Variants in AFF3 observed in about 807,000 individuals in gnomAD.
AFF3 encodes the protein ALF transcription elongation factor 3, also known as AF4/FMR2 family member 3.
A neutral mutation model predicts 129.7 loss-of-function variants in AFF3; 32 were observed. The observed-to-expected ratio is 0.25, with a 90% CI of 0.19 to 0.33. The LOEUF is 0.33. Among genes scored for constraint, AFF3 ranks in the 10% least tolerant of loss-of-function variants. AFF3 has a pLI of 1.00. For synonymous variants in AFF3, 644 were observed against 635.4 expected (o/e 1.01, Z -0.20); for missense variants, 1,373 against 1,592.0 (o/e 0.86, Z 2.34).
intron 7 of AFF3, 50 bp from the exon 8 acceptor site, chr2:99,837,574 A>C: frequency 6.4e-7 from 1 of 1,550,796 alleles, no homozygotes; most frequent in Middle Eastern, 1.7e-4. Context: ...ATTGATGACC[A>C]CACAGAAGAC....
intron 2 of AFF3, chr2:100,105,817 C>G (rs1691256043): frequency 3.7e-6 from 5 of 1,348,548 alleles, no homozygotes; most frequent in Non-Finnish European, 4.9e-6. Context: ...CAGGGATTCC[C>G]CAGAATTCCT....
intron 17 of AFF3, 77 bp downstream of exon 17, chr2:99,582,721 T>A (rs1160531229): frequency 2.4e-5 from 36 of 1,495,670 alleles, no homozygotes; most frequent in Non-Finnish European, 3.3e-5. Flanking sequence ...GTTCAGACTG[T>A]GCTAGGTTAG....
chr2:100,040,677 C>T (rs1573223101), intron 4 of AFF3, among the ~76,000 whole-genome samples: 1 of 152,182 alleles, frequency 6.6e-6, no homozygotes, highest in East Asian at 1.9e-4. Context: ...TGCTTTGTTC[C>T]CCTGCTACCG....
chr2:100,016,823 G>A (rs1422591583), intron 4 of AFF3, among the ~76,000 whole-genome samples: 1 of 150,906 alleles, frequency 6.6e-6, no homozygotes, highest in Non-Finnish European at 1.5e-5. Context: ...TGATGGTGGT[G>A]GTGGTGATGG....
At chr2:99,705,886 A>AAAC (rs1677323888) in intron 11 of AFF3, among the ~76,000 whole-genome samples, 1 of 151,190 alleles carries the variant, frequency 6.6e-6, no homozygotes, top group Non-Finnish European at 1.5e-5. Context: ...AAAAAAAAAA[A>AAAC]AAAAAAAAAA....
chr2:99,881,801 C>G (rs1201040644), intron 7 of AFF3, among the ~76,000 whole-genome samples: 1 of 152,138 alleles, frequency 6.6e-6, no homozygotes, highest in African/African-American at 2.4e-5. Flanking sequence ...ACCAGTTCAA[C>G]CATTAATGAT....
At chr2:99,581,718 CAG>C (rs1016631495) in intron 17 of AFF3, among the ~76,000 whole-genome samples, 2 of 151,584 alleles carry the variant, frequency 1.3e-5, no homozygotes, top group African/African-American at 2.4e-5. Flanking sequence ...GTGATTATGA[CAG>C]GGGAGGGTTT....
At chr2:99,880,106 A>G (rs1692599376) in intron 7 of AFF3, among the ~76,000 whole-genome samples, 1 of 152,170 alleles carries the variant, frequency 6.6e-6, no homozygotes, top group Admixed American at 6.5e-5. Context: ...ATAGGAGTAA[A>G]GATTTTACTT....
chr2:99,850,117 T>C (rs1454809619), intron 7 of AFF3, among the ~76,000 whole-genome samples: 1 of 152,228 alleles, frequency 6.6e-6, no homozygotes, highest in East Asian at 1.9e-4. Flanking sequence ...TGGGGCTTTA[T>C]GCTTGTAATC....
intron 8 of AFF3, among the ~76,000 whole-genome samples, chr2:99,761,409 G>A (rs1036688293): frequency 5.9e-5 from 9 of 152,014 alleles, no homozygotes; most frequent in African/African-American, 1.2e-4. Context: ...CAAGACTGAC[G>A]CCAGTCTCCA....
chr2:99,748,969 T>C (rs1681398504), intron 9 of AFF3, among the ~76,000 whole-genome samples: 1 of 152,196 alleles, frequency 6.6e-6, no homozygotes, highest in South Asian at 2.1e-4. Flanking sequence ...GGTAATGACA[T>C]CTAGTACTTG....
chr2:99,909,570 C>T (rs1462327099), intron 7 of AFF3, among the ~76,000 whole-genome samples: 1 of 150,688 alleles, frequency 6.6e-6, no homozygotes, highest in Non-Finnish European at 1.5e-5. Flanking sequence ...CAAACCCACA[C>T]GTTGTGCACA....
At chr2:99,660,591 A>T (rs1686144131) in intron 12 of AFF3, among the ~76,000 whole-genome samples, 1 of 152,264 alleles carries the variant, frequency 6.6e-6, no homozygotes, top group South Asian at 2.1e-4. Context: ...TAATAATCAC[A>T]CAGTCTTCTT....
At chr2:99,961,349 C>T (rs1677193275) in intron 7 of AFF3, among the ~76,000 whole-genome samples, 1 of 152,200 alleles carries the variant, frequency 6.6e-6, no homozygotes, top group South Asian at 2.1e-4. Context: ...TTATTAATTG[C>T]TCAAGTCAGG....
intron 7 of AFF3, among the ~76,000 whole-genome samples, chr2:99,858,739 G>A (rs969665119): frequency 1.3e-5 from 2 of 152,222 alleles, no homozygotes; most frequent in East Asian, 3.9e-4. Flanking sequence ...ACAGTCACTG[G>A]GGACTTTTGG....
intron 13 of AFF3, among the ~76,000 whole-genome samples, chr2:99,635,270 T>C (rs1301873161): frequency 6.6e-6 from 1 of 151,958 alleles, no homozygotes; most frequent in Non-Finnish European, 1.5e-5. Context: ...ATATGATATA[T>C]ATCATATATA....
At chr2:99,694,157 C>G (rs1276345697) in intron 11 of AFF3, among the ~76,000 whole-genome samples, 1 of 151,652 alleles carries the variant, frequency 6.6e-6, no homozygotes. Flanking sequence ...CTCGGCCTCC[C>G]AAAGTACTGG....
intron 22 of AFF3, among the ~76,000 whole-genome samples, chr2:99,558,109 C>T (rs1178940239): frequency 1.3e-5 from 2 of 152,160 alleles, no homozygotes; most frequent in African/African-American, 2.4e-5. Context: ...CTATCTACTG[C>T]TTCTGAGTTC....
chr2:100,033,208 G>A (rs1684650667), intron 4 of AFF3, among the ~76,000 whole-genome samples: 1 of 152,108 alleles, frequency 6.6e-6, no homozygotes, highest in Non-Finnish European at 1.5e-5. Context: ...ATGTTGCAAA[G>A]AGCCTTCACC....
Sources: allele counts gnomAD v4.1 joint callset (sites outside exome capture counted in the v4.1 genomes callset), GRCh38; gene constraint gnomAD v4.1.1; transcripts MANE v1.5; gene names NCBI Gene and HGNC (gene_info 2026-07-23, HGNC 2026-07-21).